Variants in NRG3 observed in about 807,000 individuals in gnomAD.
NRG3 encodes the protein neuregulin 3.
Under a neutral mutation model 66.9 loss-of-function variants are expected in NRG3, and 31 were observed. The ratio of observed to expected loss-of-function variants is 0.46; its 90% CI spans 0.35 to 0.63. The LOEUF (loss-of-function observed/expected upper bound fraction) is 0.63. NRG3 is among the 20% of genes least tolerant of loss of function. The pLI is 0.00. For synonymous variants in NRG3, 393 were observed against 359.4 expected, an observed-to-expected ratio of 1.09 and a Z score of -1.06; for missense variants, 910 against 878.9, an observed-to-expected ratio of 1.04 and a Z score of -0.45.
chr10:82,763,567 T>C (rs550165115), intron 3 of NRG3, among the ~76,000 whole-genome samples: 1 of 152,122 alleles, frequency 6.6e-6, no homozygotes, highest in South Asian at 2.1e-4. Context: ...ATAATCAAAA[T>C]AATTAATATA....
At chr10:82,309,760 C>T (rs1477461846) in intron 1 of NRG3, among the ~76,000 whole-genome samples, 1 of 152,158 alleles carries the variant, frequency 6.6e-6, no homozygotes, top group African/African-American at 2.4e-5. Context: ...GTCCTGGAAT[C>T]ACAGTGTCGG....
intron 1 of NRG3, among the ~76,000 whole-genome samples, chr10:82,180,103 G>T (rs2073311544): frequency 6.6e-6 from 1 of 151,462 alleles, no homozygotes; most frequent in African/African-American, 2.4e-5. Context: ...TACAACTTTT[G>T]TTGAATTTAT....
At chr10:82,102,132 TC>T (rs2066783554) in intron 1 of NRG3, among the ~76,000 whole-genome samples, 1 of 6,052 alleles carries the variant, frequency 1.7e-4, no homozygotes, top group South Asian at 8.1e-3. Context: ...ATATGTGTAT[TC>T]ATATATATAT....
At chr10:82,809,365 A>G (rs1259640483) in intron 3 of NRG3, among the ~76,000 whole-genome samples, 2 of 151,772 alleles carry the variant, frequency 1.3e-5, no homozygotes, top group African/African-American at 4.8e-5. Context: ...TATCATTTAT[A>G]CAAAAAATAT....
At chr10:81,974,472 G>C (rs766834293) in intron 1 of NRG3, among the ~76,000 whole-genome samples, 3 of 152,060 alleles carry the variant, frequency 2.0e-5, no homozygotes, top group Non-Finnish European at 1.5e-5. Context: ...AAAAAGCAGA[G>C]CAACAAAGAG....
rs1322323693 is a variant in NRG3 at position 82,898,826 on chromosome 10, A to G, written c.1054+33389A>G. 1.6e-4 allele frequency among the ~76,000 whole-genome samples: 22 copies of G among 139,276 alleles called. No homozygotes were observed. The East Asian group carries it at 4.9e-3, about 31-fold the overall frequency. The allele number at this position is 139,276 out of a possible 152,430, so 91.4% of individuals were successfully genotyped here. The stretch of plus-strand genomic sequence containing the variant: ...AGCCTCTGCCTCTCGGGTTCACGCC[A>G]TTTTTCTGCCTCAGCCTCCCTAGTA... On this transcript the variant is annotated intron_variant, in intron 4 of 8. Coordinates refer to ENST00000372141, the MANE Select transcript of NRG3 (RefSeq NM_001010848.4).
At chr10:82,187,766 C>T (rs574582131) in intron 1 of NRG3, among the ~76,000 whole-genome samples, 2 of 152,166 alleles carry the variant, frequency 1.3e-5, no homozygotes, top group East Asian at 1.9e-4. Flanking sequence ...TTGAAAGGAT[C>T]GTATTCTATA....
At chr10:82,294,155 T>G (rs2079908983) in intron 1 of NRG3, among the ~76,000 whole-genome samples, 1 of 152,220 alleles carries the variant, frequency 6.6e-6, no homozygotes, top group Admixed American at 6.5e-5. Flanking sequence ...CATTCTAACT[T>G]AATTTTAGCC....
At chr10:82,286,488 A>G (rs936152868) in intron 1 of NRG3, among the ~76,000 whole-genome samples, 2 of 152,222 alleles carry the variant, frequency 1.3e-5, no homozygotes, top group Admixed American at 6.5e-5. Context: ...TTGAACATTT[A>G]TATTTTTTGT....
At chr10:82,418,847 C>G (rs753095257) in intron 2 of NRG3, among the ~76,000 whole-genome samples, 1 of 152,030 alleles carries the variant, frequency 6.6e-6, no homozygotes, top group African/African-American at 2.4e-5. Flanking sequence ...GCAATCCTCG[C>G]ACCTCAGGCT....
chr10:82,403,322 C>CA, intron 2 of NRG3, among the ~76,000 whole-genome samples: 1 of 152,124 alleles, frequency 6.6e-6, no homozygotes, highest in East Asian at 1.9e-4. Context: ...TCTTCAGCAG[C>CA]AAAAAAATAC....
At chr10:82,707,018 A>ATATATATAT (rs2056344007) in intron 2 of NRG3, among the ~76,000 whole-genome samples, 18 of 141,330 alleles carry the variant, frequency 1.3e-4, no homozygotes, top group African/African-American at 4.8e-4. Flanking sequence ...AAATAAAATA[A>ATATATATAT]ATATATATAT....
intron 1 of NRG3, among the ~76,000 whole-genome samples, chr10:82,314,133 C>T (rs897806730): frequency 1.3e-5 from 2 of 152,188 alleles, no homozygotes; most frequent in African/African-American, 4.8e-5. Flanking sequence ...GCAAAGTCCT[C>T]AGCACAGATT....
At chr10:81,961,296 T>TA (rs1399406482) in intron 1 of NRG3, among the ~76,000 whole-genome samples, 1 of 152,216 alleles carries the variant, frequency 6.6e-6, no homozygotes, top group African/African-American at 2.4e-5. Context: ...TAAAATTTGA[T>TA]ACTCTGGCTT....
intron 2 of NRG3, among the ~76,000 whole-genome samples, chr10:82,638,276 A>G (rs1182334905): frequency 6.6e-6 from 1 of 152,232 alleles, no homozygotes; most frequent in Non-Finnish European, 1.5e-5. Flanking sequence ...GAATTTGATC[A>G]TTCTATGCAA....
intron 3 of NRG3, among the ~76,000 whole-genome samples, chr10:82,802,225 C>T (rs1389810631): frequency 3.3e-5 from 5 of 152,070 alleles, no homozygotes; most frequent in African/African-American, 7.2e-5. Flanking sequence ...AGCTCATTCA[C>T]GACAGAGAGA....
intron 1 of NRG3, among the ~76,000 whole-genome samples, chr10:82,027,399 A>G (rs1312222982): frequency 2.0e-5 from 3 of 151,996 alleles, no homozygotes; most frequent in African/African-American, 7.2e-5. Context: ...TTAGACCCTT[A>G]TGTTATTCTG....
chr10:82,900,403 C>T (rs533950328), intron 4 of NRG3, among the ~76,000 whole-genome samples: 1 of 152,122 alleles, frequency 6.6e-6, no homozygotes, highest in African/African-American at 2.4e-5. Context: ...TTTTCTCCAG[C>T]ATAATACTGT....
intron 1 of NRG3, among the ~76,000 whole-genome samples, chr10:81,937,464 A>G (rs1214619762): frequency 6.6e-6 from 1 of 151,966 alleles, no homozygotes; most frequent in Non-Finnish European, 1.5e-5. Context: ...AATGGCCATG[A>G]TATCTCATTG....
Sources: allele counts gnomAD v4.1 joint callset (sites outside exome capture counted in the v4.1 genomes callset), GRCh38; gene constraint gnomAD v4.1.1; transcripts MANE v1.5; gene names NCBI Gene and HGNC (gene_info 2026-07-23, HGNC 2026-07-21).